Variants in MRC1 observed in about 807,000 individuals in gnomAD.
MRC1 encodes macrophage mannose receptor 1.
MRC1 carries 62 observed loss-of-function variants against 102.9 expected under a neutral mutation model. The observed-to-expected ratio is 0.60, with a 90% CI of 0.49 to 0.74. The LOEUF (loss-of-function observed/expected upper bound fraction) is 0.74, where lower values mean the gene tolerates loss of function less well. Ranked by LOEUF, MRC1 falls within the 30% of genes least tolerant of loss-of-function variation. The probability of loss-of-function intolerance (pLI) is 0.00; values close to 1 mark genes in which losing one functional copy is unlikely to be tolerated. For synonymous variants in MRC1, 457 were observed against 298.4 expected, an observed-to-expected ratio of 1.53 and a Z score of -5.48; for missense variants, 1,237 against 862.8, an observed-to-expected ratio of 1.43 and a Z score of -5.43.
rs1833916503 is a variant in MRC1 at position 17,907,845 on chromosome 10, G to C, written c.4078+147G>C. The C allele has an allele frequency of 4.3e-6, 3 of 701,548 alleles. No homozygotes were observed. In the East Asian group the frequency reaches 7.4e-5, roughly 17 times the overall value. The allele number at this position is 701,548 out of a possible 1,614,324, so 43.5% of individuals were successfully genotyped here. ...GTGAAAAATCCATTCTGCCGTTGTA[G>C]TTCATTACTGTTTGCAGCTCTGCGT... On this transcript the variant is annotated intron_variant, in intron 28 of 29. Transcript: ENST00000569591.
At chr10:17,903,824 T>C (rs1833861803) in intron 26 of MRC1, among the ~76,000 whole-genome samples, 1 of 152,058 alleles carries the variant, frequency 6.6e-6, no homozygotes, top group Non-Finnish European at 1.5e-5. Context: ...AGCATGGTGG[T>C]GGGTGCCTGC....
intron 5 of MRC1, among the ~76,000 whole-genome samples, chr10:17,842,362 G>A (rs1238565004): frequency 1.3e-5 from 2 of 152,190 alleles, no homozygotes; most frequent in South Asian, 4.1e-4. Context: ...AAAATTTTTA[G>A]AGAATATATT....
chr10:17,907,178 C>T (rs993196966), intron 27 of MRC1, among the ~76,000 whole-genome samples, 179 bp downstream of exon 27: 2 of 152,084 alleles, frequency 1.3e-5, no homozygotes, highest in Non-Finnish European at 2.9e-5. Flanking sequence ...TCATGCTATC[C>T]TCAAAGTTGC....
At chr10:17,831,998 G>A (rs1403372017) in intron 3 of MRC1, among the ~76,000 whole-genome samples, 2 of 151,610 alleles carry the variant, frequency 1.3e-5, no homozygotes, top group Non-Finnish European at 2.9e-5. Flanking sequence ...ATTGCTAAGC[G>A]CTCCACCTGT....
At chr10:17,837,858 A>G (rs1047457109) in intron 4 of MRC1, among the ~76,000 whole-genome samples, 2 of 151,948 alleles carry the variant, frequency 1.3e-5, no homozygotes, top group African/African-American at 4.8e-5. Context: ...GCCTCAGCCT[A>G]CCAAAGTGCT....
intron 1 of MRC1, among the ~76,000 whole-genome samples, chr10:17,811,971 A>G (rs1417787814): frequency 6.6e-6 from 1 of 152,140 alleles, no homozygotes; most frequent in Non-Finnish European, 1.5e-5. Context: ...CTTAGTTAGC[A>G]GCAGGTTAAA....
intron 9 of MRC1, among the ~76,000 whole-genome samples, chr10:17,859,242 T>A (rs1378948672): frequency 5.3e-5 from 8 of 152,226 alleles, no homozygotes; most frequent in African/African-American, 1.9e-4. Context: ...ATGCTGTTTT[T>A]TTAATAAGAG....
At chr10:17,894,042 A>C (rs888419487) in intron 22 of MRC1, among the ~76,000 whole-genome samples, 168 bp from the exon 23 acceptor site, 2 of 152,224 alleles carry the variant, frequency 1.3e-5, no homozygotes, top group African/African-American at 2.4e-5. Flanking sequence ...TATGCATAGT[A>C]GGTAGAGTTG....
At chr10:17,887,817 T>G (rs1372241637) in intron 22 of MRC1, among the ~76,000 whole-genome samples, 1 of 152,196 alleles carries the variant, frequency 6.6e-6, no homozygotes, top group Non-Finnish European at 1.5e-5. Context: ...TTATTTTATT[T>G]TTTTGAGATG....
Position 17,907,831 on chromosome 10 carries a change from A to G in MRC1, c.4078+133A>G, listed in dbSNP as rs1833916229. 1.3e-5 allele frequency: 9 copies of G among 715,618 alleles called. No individual in the cohort carries two copies. In the South Asian group the frequency reaches 1.3e-4, roughly 10 times the overall value. The allele number at this position is 715,618 out of a possible 1,614,324, so 44.3% of individuals were successfully genotyped here. ...CTGTCCTTTCATCCGTGAAAAATCC[A>G]TTCTGCCGTTGTAGTTCATTACTGT... On this transcript the variant is annotated intron_variant, in intron 28 of 29. Coordinates refer to ENST00000569591, the MANE Select transcript of MRC1 (RefSeq NM_002438.4).
At chr10:17,862,919 T>A (rs1322295202) in intron 10 of MRC1, 1 of 152,336 alleles carries the variant, frequency 6.6e-6, no homozygotes, top group Non-Finnish European at 1.5e-5. Context: ...TGTTCCCAGA[T>A]TAATGCCAAA....
At chr10:17,860,115 G>A (rs1833160812) in intron 9 of MRC1, among the ~76,000 whole-genome samples, 1 of 152,002 alleles carries the variant, frequency 6.6e-6, no homozygotes, top group African/African-American at 2.4e-5. Flanking sequence ...CTTAATCTAG[G>A]ATCTCATATG....
intron 1 of MRC1, among the ~76,000 whole-genome samples, chr10:17,814,062 G>A (rs1419972956): frequency 1.3e-5 from 2 of 152,144 alleles, no homozygotes; most frequent in Non-Finnish European, 2.9e-5. Context: ...AATAACTGTA[G>A]TAGAAACTTA....
chr10:17,824,459 T>G (rs1346636368), intron 2 of MRC1, among the ~76,000 whole-genome samples: 1 of 152,224 alleles, frequency 6.6e-6, no homozygotes, highest in Non-Finnish European at 1.5e-5. Context: ...AGACTGAGCA[T>G]AGCAATTTAG....
At chr10:17,811,312 A>G (rs1462159813) in intron 1 of MRC1, among the ~76,000 whole-genome samples, 1 of 152,136 alleles carries the variant, frequency 6.6e-6, no homozygotes, top group Non-Finnish European at 1.5e-5. Flanking sequence ...CAGCACAGAC[A>G]CAGTGCCTAA....
chr10:17,853,715 T>C (rs1454320434), intron 8 of MRC1, among the ~76,000 whole-genome samples: 1 of 152,108 alleles, frequency 6.6e-6, no homozygotes, highest in Non-Finnish European at 1.5e-5. Context: ...CTGGAAGCTG[T>C]ACTTGGGGAG....
At chr10:17,831,517 A>G (rs1325228646) in intron 3 of MRC1, among the ~76,000 whole-genome samples, 1 of 151,422 alleles carries the variant, frequency 6.6e-6, no homozygotes, top group Non-Finnish European at 1.5e-5. Flanking sequence ...TGTGGTTTGC[A>G]TATTACAAAA....
At chr10:17,902,394 C>A (rs1833840509) in intron 26 of MRC1, among the ~76,000 whole-genome samples, 1 of 152,070 alleles carries the variant, frequency 6.6e-6, no homozygotes, top group African/African-American at 2.4e-5. Context: ...TTAGGATTCT[C>A]ATCCTCAGTT....
At chr10:17,827,453 G>A in intron 2 of MRC1, 89 bp from the exon 3 acceptor site, 3 of 588,310 alleles carry the variant, frequency 5.1e-6, no homozygotes, top group Non-Finnish European at 6.5e-6. Context: ...AGAACAGTAA[G>A]ACCAATTCCT....
Sources: gnomAD v4.1 joint callset for allele counts (sites outside exome capture counted in the v4.1 genomes callset) on GRCh38, gnomAD v4.1.1 for gene constraint, MANE v1.5 for transcripts, NCBI Gene and HGNC (gene_info 2026-07-23, HGNC 2026-07-21) for gene names.